COLEC10: variants seen among roughly 807,000 people sequenced by gnomAD.
COLEC10 encodes the protein collectin subfamily member 10, also known as collectin-10.
A neutral mutation model predicts 28.4 loss-of-function variants in COLEC10; 22 were observed. The observed-to-expected ratio is 0.78, with a 90% CI of 0.55 to 1.11. The LOEUF (loss-of-function observed/expected upper bound fraction) is 1.11, where lower values mean the gene tolerates loss of function less well. COLEC10 is among the 50% of genes least tolerant of loss of function. The pLI, the probability that COLEC10 is intolerant of heterozygous loss-of-function variation, is 0.00. For synonymous variants in COLEC10, 125 were observed against 116.1 expected (o/e 1.08, Z -0.49); for missense variants, 361 against 344.1 (o/e 1.05, Z -0.39).
At chr8:118,981,621 G>A in the COLEC10 span, among the ~76,000 whole-genome samples, 7 of 151,916 alleles carry the variant, frequency 4.6e-5, no homozygotes, top group Admixed American at 2.0e-4. Context: ...TTCTTCAGGG[G>A]GCATTTCCAT....
chr8:119,069,483 T>C (rs1815045218), intron 1 of COLEC10, among the ~76,000 whole-genome samples: 1 of 150,176 alleles, frequency 6.7e-6, no homozygotes, highest in African/African-American at 2.4e-5. Flanking sequence ...GGTGCACACC[T>C]GTAGTCCCAG....
chr8:118,984,009 G>A, the COLEC10 span, among the ~76,000 whole-genome samples: 1 of 148,078 alleles, frequency 6.8e-6, no homozygotes, highest in African/African-American at 2.7e-5. Context: ...AATATAAATT[G>A]TTCTACTATA....
At chr8:119,049,069 A>C (rs1814631921) in intron 2 of COLEC10, among the ~76,000 whole-genome samples, 1 of 152,068 alleles carries the variant, frequency 6.6e-6, no homozygotes, top group South Asian at 2.1e-4. Flanking sequence ...TCTGAGAAGG[A>C]TTTTATTTCT....
At chr8:119,015,770 G>A (rs1261148308) in intron 2 of COLEC10, among the ~76,000 whole-genome samples, 2 of 152,204 alleles carry the variant, frequency 1.3e-5, no homozygotes, top group African/African-American at 2.4e-5. Context: ...TACCTGAGAA[G>A]AGAGTGGTTT....
At chr8:118,991,416 A>T (rs1410965955), upstream of COLEC10, among the ~76,000 whole-genome samples, 2 of 152,176 alleles carry the variant, frequency 1.3e-5, no homozygotes, top group Non-Finnish European at 2.9e-5. Flanking sequence ...ACTTATGAAA[A>T]ATATCTATTA....
the COLEC10 span, among the ~76,000 whole-genome samples, chr8:118,967,355 C>T: frequency 6.6e-6 from 1 of 152,094 alleles, no homozygotes; most frequent in Admixed American, 6.6e-5. Context: ...CAGCTCTTGC[C>T]TCTAATATGC....
At chr8:118,998,785 T>G (rs563022907) in intron 1 of COLEC10, among the ~76,000 whole-genome samples, 4 of 139,744 alleles carry the variant, frequency 2.9e-5, no homozygotes, top group African/African-American at 1.1e-4. Flanking sequence ...AGGCAGAGGT[T>G]GCAGTGAGCC....
chr8:118,963,516 C>T, the COLEC10 span, among the ~76,000 whole-genome samples: 5 of 152,210 alleles, frequency 3.3e-5, no homozygotes, highest in Non-Finnish European at 7.3e-5. Context: ...TAGCACTTGT[C>T]ATCATCTAAC....
chr8:118,983,079 T>C, the COLEC10 span, among the ~76,000 whole-genome samples: 1 of 152,192 alleles, frequency 6.6e-6, no homozygotes, highest in African/African-American at 2.4e-5. Flanking sequence ...ACAATGGATG[T>C]CCTACATCTT....
At chr8:118,973,853 C>T in the COLEC10 span, among the ~76,000 whole-genome samples, 1 of 151,940 alleles carries the variant, frequency 6.6e-6, no homozygotes, top group Admixed American at 6.6e-5. Flanking sequence ...ATATTTAACT[C>T]ACAATAGACT....
At chr8:119,079,564 C>A (rs1216333092) in intron 1 of COLEC10, among the ~76,000 whole-genome samples, 7 of 152,108 alleles carry the variant, frequency 4.6e-5, no homozygotes, top group African/African-American at 1.7e-4. Flanking sequence ...CCTAACAAAA[C>A]TTAATGTTGC....
At chr8:118,968,176 T>C in the COLEC10 span, among the ~76,000 whole-genome samples, 1 of 152,114 alleles carries the variant, frequency 6.6e-6, no homozygotes, top group East Asian at 1.9e-4. Context: ...TTTTCAGTTC[T>C]TGGGGGTCTC....
At chr8:119,101,482 T>A (rs1380973947) in intron 3 of COLEC10, among the ~76,000 whole-genome samples, 1 of 152,222 alleles carries the variant, frequency 6.6e-6, no homozygotes, top group Non-Finnish European at 1.5e-5. Flanking sequence ...ATTCTTTCTC[T>A]CTGCTTTAAA....
At chr8:119,079,955 G>C (rs140963252) in intron 1 of COLEC10, among the ~76,000 whole-genome samples, 63 of 152,190 alleles carry the variant, frequency 4.1e-4, no homozygotes, top group Non-Finnish European at 5.7e-4. Flanking sequence ...ATTTTTATTA[G>C]ATAAATTAAT....
intron 3 of COLEC10, among the ~76,000 whole-genome samples, chr8:119,092,663 T>C (rs891679723): frequency 1.3e-5 from 2 of 152,150 alleles, no homozygotes; most frequent in African/African-American, 4.8e-5. Flanking sequence ...CCCAACACTT[T>C]AGGGGGCTGA....
At chr8:118,972,915 T>C in the COLEC10 span, among the ~76,000 whole-genome samples, 5 of 152,104 alleles carry the variant, frequency 3.3e-5, no homozygotes, top group African/African-American at 1.2e-4. Context: ...TAACGTATTT[T>C]TCTTCACATG....
the COLEC10 span, among the ~76,000 whole-genome samples, chr8:118,960,195 C>A: frequency 5.3e-5 from 8 of 152,058 alleles, no homozygotes; most frequent in Admixed American, 3.9e-4. Flanking sequence ...GCATGTGTGA[C>A]TCCAGCAGAG....
At chr8:118,981,946 T>G in the COLEC10 span, among the ~76,000 whole-genome samples, 1 of 152,130 alleles carries the variant, frequency 6.6e-6, no homozygotes, top group Non-Finnish European at 1.5e-5. Flanking sequence ...TAGCTATGTG[T>G]TTCCTGACAC....
chr8:119,089,590 A>T, intron 1 of COLEC10, 90 bp from the exon 2 acceptor site: 1 of 1,012,420 alleles, frequency 9.9e-7, no homozygotes, highest in Non-Finnish European at 1.5e-6. Flanking sequence ...GCTGAGGGAA[A>T]GATTGTAACC....
Sources: allele counts gnomAD v4.1 joint callset (sites outside exome capture counted in the v4.1 genomes callset), GRCh38; gene constraint gnomAD v4.1.1; transcripts MANE v1.5; gene names NCBI Gene and HGNC (gene_info 2026-07-23, HGNC 2026-07-21).